Variants in GPHN observed in about 807,000 individuals in gnomAD.
The protein encoded by GPHN is gephyrin.
In GPHN, 17 loss-of-function variants were observed where a neutral mutation model predicts 95.5. The ratio of observed to expected loss-of-function variants is 0.18; its 90% CI spans 0.12 to 0.27. The LOEUF (loss-of-function observed/expected upper bound fraction) is 0.27, where lower values mean the gene tolerates loss of function less well. GPHN is among the 10% of genes least tolerant of loss of function. The probability of loss-of-function intolerance (pLI) is 1.00; values close to 1 mark genes in which losing one functional copy is unlikely to be tolerated. For missense variants in GPHN, 660 were observed against 978.1 expected (o/e 0.67, Z 4.34); for synonymous variants, 320 against 322.5 (o/e 0.99, Z 0.08).
Position 66,560,497 on chromosome 14 carries a change from A to T in GPHN, c.64+51906A>T, listed in dbSNP as rs1334036960. On this transcript the variant is annotated intron_variant, in intron 1 of 22. Transcript: ENST00000478722. ...ATTCCTAGGTATTTTATTCTCTTTGAAGCCATTGTGATTGGGAGTTCACTC... is the reference window on the plus strand; with the variant it reads ...ATTCCTAGGTATTTTATTCTCTTTGTAGCCATTGTGATTGGGAGTTCACTC... Among the ~76,000 whole-genome samples the T allele has an allele frequency of 5.3e-5, 8 of 152,162 alleles. No homozygotes were observed. The East Asian group carries it at 1.4e-3, about 26-fold the overall frequency.
the GPHN span, chr14:67,316,795 T>G: frequency 6.4e-7 from 1 of 1,556,912 alleles, no homozygotes; most frequent in Non-Finnish European, 8.7e-7. Context: ...CCTTTTATCT[T>G]AAATATTTTA....
chr14:67,150,459 A>AAC lies in GPHN; in HGVS notation c.1836+7011_1836+7012insCA, dbSNP rs58886505. ...CCGTCTCAAAAAAAAAAAACAAAAA[A>AAC]AAAAAAAAAAAAAACATTGTAAGGT... On this transcript the variant is annotated intron_variant, in intron 18 of 22. Coordinates refer to ENST00000478722, the MANE Select transcript of GPHN (RefSeq NM_020806.5). 1.5e-4 allele frequency among the ~76,000 whole-genome samples: 20 copies of AAC among 135,094 alleles called. No homozygotes were observed. The East Asian group carries it at 2.8e-3, about 19-fold the overall frequency. 88.6% of individuals were successfully genotyped at this position (135,094 alleles called of 152,430 possible).
intron 2 of GPHN, among the ~76,000 whole-genome samples, chr14:66,720,418 G>T (rs1037805135): frequency 6.6e-6 from 1 of 152,072 alleles, no homozygotes; most frequent in South Asian, 2.1e-4. Flanking sequence ...GCTGGGGGTG[G>T]TTGTGCACAT....
At chr14:66,904,263 C>G (rs749357627) in intron 5 of GPHN, among the ~76,000 whole-genome samples, 1 of 152,060 alleles carries the variant, frequency 6.6e-6, no homozygotes, top group Non-Finnish European at 1.5e-5. Context: ...GAAGGGGAAT[C>G]AAGCAGGTTG....
intron 11 of GPHN, among the ~76,000 whole-genome samples, chr14:67,076,293 A>G (rs894213753): frequency 6.6e-6 from 1 of 151,914 alleles, no homozygotes; most frequent in Non-Finnish European, 1.5e-5. Flanking sequence ...TTTTCACATA[A>G]TACTATTTCA....
At chr14:67,660,791 G>A in the GPHN span, among the ~76,000 whole-genome samples, 1 of 152,158 alleles carries the variant, frequency 6.6e-6, no homozygotes, top group Non-Finnish European at 1.5e-5. Flanking sequence ...TGCTGAGTTT[G>A]GAGAAAACAA....
the GPHN span, chr14:67,581,931 G>A: frequency 1.3e-6 from 1 of 780,676 alleles, no homozygotes; most frequent in Non-Finnish European, 2.0e-6. Flanking sequence ...TGTTTCTGGA[G>A]GCAATACAAA....
chr14:67,330,551 C>T, the GPHN span, among the ~76,000 whole-genome samples: 23 of 150,638 alleles, frequency 1.5e-4, no homozygotes, highest in Admixed American at 1.2e-3. Flanking sequence ...CTCTGCCTCC[C>T]GGGTTCAAGC....
the GPHN span, among the ~76,000 whole-genome samples, chr14:67,232,398 A>T: frequency 6.6e-6 from 1 of 152,194 alleles, no homozygotes; most frequent in Non-Finnish European, 1.5e-5. Flanking sequence ...AGACTCCTGG[A>T]GGCAGATCCT....
the GPHN span, among the ~76,000 whole-genome samples, chr14:67,299,773 A>G: frequency 1.3e-5 from 2 of 152,186 alleles, no homozygotes; most frequent in African/African-American, 4.8e-5. Flanking sequence ...GATGTTTAGG[A>G]ACTGACTTAA....
the GPHN span, among the ~76,000 whole-genome samples, chr14:67,504,026 A>G: frequency 1.4e-5 from 2 of 147,282 alleles, no homozygotes; most frequent in African/African-American, 5.1e-5. Flanking sequence ...TATTTTTATT[A>G]TTTTTGAGAC....
the GPHN span, chr14:67,656,314 G>T: frequency 9.2e-7 from 1 of 1,086,782 alleles, no homozygotes; most frequent in Non-Finnish European, 1.2e-6. Flanking sequence ...ACTATTCCCT[G>T]AATACAGAAC....
At chr14:66,999,684 C>T (rs550543090) in intron 9 of GPHN, among the ~76,000 whole-genome samples, 2 of 151,834 alleles carry the variant, frequency 1.3e-5, no homozygotes, top group Non-Finnish European at 3.0e-5. Flanking sequence ...TTTCACGTTT[C>T]TAACTGATTT....
At chr14:67,155,465 A>G in intron 18 of GPHN, among the ~76,000 whole-genome samples, 1 of 152,222 alleles carries the variant, frequency 6.6e-6, no homozygotes, top group Non-Finnish European at 1.5e-5. Context: ...AGACCTAAAA[A>G]TGATGCTGAT....
At chr14:67,305,398 G>C in the GPHN span, among the ~76,000 whole-genome samples, 1 of 152,044 alleles carries the variant, frequency 6.6e-6, no homozygotes, top group African/African-American at 2.4e-5. Context: ...TCCTACCTCA[G>C]CCTCCCTAGT....
intron 13 of GPHN, among the ~76,000 whole-genome samples, chr14:67,109,424 T>TAAA (rs1242893297): frequency 2.0e-5 from 3 of 152,206 alleles, no homozygotes; most frequent in Non-Finnish European, 4.4e-5. Flanking sequence ...AAAAATGCTT[T>TAAA]TCCTCATGTT....
chr14:66,837,801 A>G lies in GPHN; in HGVS notation c.294+13235A>G, dbSNP rs181898146. ...CTATATGAAGAACCCACAAATAAAA[A>G]TTATATATTCAATTTCCTTTAAATA... is the stretch of plus-strand genomic sequence containing the variant. On this transcript the variant is annotated intron_variant, in intron 4 of 22. Transcript: ENST00000478722. Among the ~76,000 whole-genome samples the G allele has an allele frequency of 2.5e-3, 378 of 151,936 alleles. 1 individual carries two copies. The highest frequency in any genetic ancestry group is 3.6e-3 in the Non-Finnish European group (243 of 67,908).
chr14:67,130,775 T>C (rs1030829392), intron 17 of GPHN, among the ~76,000 whole-genome samples: 2 of 152,196 alleles, frequency 1.3e-5, no homozygotes, highest in African/African-American at 4.8e-5. Flanking sequence ...TATTATTTAC[T>C]TTTTAGTAAT....
the GPHN span, among the ~76,000 whole-genome samples, chr14:67,417,869 G>A: frequency 1.3e-5 from 2 of 152,000 alleles, no homozygotes; most frequent in African/African-American, 2.4e-5. Context: ...TCAGATTCTC[G>A]AGTAGCTGGG....
Sources: gnomAD v4.1 joint callset for allele counts (sites outside exome capture counted in the v4.1 genomes callset) on GRCh38, gnomAD v4.1.1 for gene constraint, MANE v1.5 for transcripts, NCBI Gene and HGNC (gene_info 2026-07-23, HGNC 2026-07-21) for gene names.